REL: variants seen among roughly 807,000 people sequenced by gnomAD.
The protein encoded by REL is REL proto-oncogene, NF-kB subunit.
A neutral mutation model predicts 45.9 loss-of-function variants in REL; 15 were observed. The ratio of observed to expected loss-of-function variants is 0.33; its 90% CI spans 0.22 to 0.50. The LOEUF (loss-of-function observed/expected upper bound fraction) is 0.50. REL is among the 20% of genes least tolerant of loss of function. The pLI, the probability that REL is intolerant of heterozygous loss-of-function variation, is 0.98. For missense variants in REL, 601 were observed against 715.2 expected (o/e 0.84, Z 1.82); for synonymous variants, 239 against 242.1 (o/e 0.99, Z 0.12).
chr2:60,908,678 G>A (rs972185956), intron 4 of REL, among the ~76,000 whole-genome samples: 1 of 152,114 alleles, frequency 6.6e-6, no homozygotes, highest in Non-Finnish European at 1.5e-5. Flanking sequence ...TCTAGTATGC[G>A]GCAGTTAAAC....
At chr2:60,892,292 G>A (rs1170311359) in intron 2 of REL, among the ~76,000 whole-genome samples, 1 of 152,068 alleles carries the variant, frequency 6.6e-6, no homozygotes, top group African/African-American at 2.4e-5. Flanking sequence ...GCTTGTCTCT[G>A]ATTCTCTGGG....
chr2:60,904,350 C>A (rs555013078), intron 4 of REL, among the ~76,000 whole-genome samples: 1 of 151,280 alleles, frequency 6.6e-6, no homozygotes, highest in East Asian at 2.0e-4. Flanking sequence ...TGCAGTAAGC[C>A]AAGATTGCTC....
intron 1 of REL, among the ~76,000 whole-genome samples, chr2:60,886,244 TG>T (rs1673069522): frequency 6.6e-6 from 1 of 152,216 alleles, no homozygotes; most frequent in African/African-American, 2.4e-5. Flanking sequence ...AGGACATGTA[TG>T]TTTTGAAAAA....
chr2:60,913,969 T>C (rs1444455404), intron 4 of REL, among the ~76,000 whole-genome samples: 1 of 152,234 alleles, frequency 6.6e-6, no homozygotes, highest in Non-Finnish European at 1.5e-5. Flanking sequence ...TCTTCAGTCA[T>C]TTATGTTAAT....
chr2:60,891,285 T>C (rs748032341), intron 1 of REL, among the ~76,000 whole-genome samples: 10 of 152,162 alleles, frequency 6.6e-5, no homozygotes, highest in Non-Finnish European at 1.3e-4. Context: ...ACTTTAGGAG[T>C]GTGATATTTT....
At chr2:60,912,027 T>C (rs996752362) in intron 4 of REL, among the ~76,000 whole-genome samples, 2 of 150,198 alleles carry the variant, frequency 1.3e-5, no homozygotes, top group African/African-American at 4.9e-5. Context: ...AAAGTCATTT[T>C]CCCCCAATTG....
rs1188074991 is a variant in REL, at chr2:60,930,269, A to AATC, written c.*7735_*7737dup. On this transcript the variant is annotated 3_prime_UTR_variant, in exon 10 of 10. Transcript: ENST00000394479. ...ATCTGTATATCCTATGTCCCGGATT[A>AATC]ATCTTTAATTTAGATACTCCTTCTA... The AATC allele has an allele frequency of 7.9e-5, 12 of 152,490 alleles. No homozygotes were observed. In the East Asian group the frequency reaches 1.3e-3, roughly 17 times the overall value. 9.4% of individuals were successfully genotyped at this position (152,490 alleles called of 1,614,324 possible). A position where few individuals can be genotyped will look rare whatever the true frequency, so the allele number is the denominator to read the frequency against.
chr2:60,909,528 G>A (rs1673751343), intron 4 of REL, among the ~76,000 whole-genome samples: 2 of 151,774 alleles, frequency 1.3e-5, no homozygotes, highest in Admixed American at 6.6e-5. Flanking sequence ...CTGGGCTTAA[G>A]TGATCCTCCT....
chr2:60,926,001 A>G lies in REL; in HGVS notation c.*3466A>G, dbSNP rs528429051. On this transcript the variant is annotated 3_prime_UTR_variant, in exon 10 of 10. Transcript: ENST00000394479. ...TTCAGGTGCTATTTTTTGACCCTGT[A>G]TAGACTTTAATTTAAAATGAATTTG... 3 of 226,960 alleles carry G rather than the reference A, an allele frequency of 1.3e-5. No individual in the cohort carries two copies. Among genetic ancestry groups the G allele is most frequent in the South Asian group, 1.8e-4 (1 of 5,468 alleles). 14.1% of individuals were successfully genotyped at this position (226,960 alleles called of 1,614,324 possible).
At chr2:60,901,151 T>C (rs1307128693) in intron 4 of REL, 68 bp downstream of exon 4, 123,205 of 584,454 alleles carry the variant, frequency 0.21, 3,016 homozygotes, top group African/African-American at 0.41. Flanking sequence ...TTTCTTTCTC[T>C]TTTTTTTTTT....
At chr2:60,894,045 G>A (rs534028893) in intron 2 of REL, among the ~76,000 whole-genome samples, 166 of 152,258 alleles carry the variant, frequency 1.1e-3, no homozygotes, top group Non-Finnish European at 2.0e-3. Flanking sequence ...GAATGTTTAT[G>A]GTATGACAGT....
intron 3 of REL, chr2:60,900,681 G>A (rs904409718): frequency 1.2e-5 from 3 of 242,082 alleles, no homozygotes; most frequent in African/African-American, 2.3e-5. Flanking sequence ...GTGCCACTAT[G>A]CCTGGCTAAT....
At chr2:60,891,497 T>C (rs1299260281) in intron 1 of REL, among the ~76,000 whole-genome samples, 186 bp from the exon 2 acceptor site, 1 of 152,160 alleles carries the variant, frequency 6.6e-6, no homozygotes, top group Non-Finnish European at 1.5e-5. Context: ...GGGACTCAAT[T>C]TGAATGGGAA....
Position 60,881,612 on chromosome 2 carries a change from C to T in REL, c.-229C>T, listed in dbSNP as rs971172599. ...CGCTCCGCCCCCTGCCCCTGGCTCC[C>T]GTACGGTGGACGGCGACGCTGGGTG... On this transcript the variant is annotated 5_prime_UTR_variant, in exon 1 of 10. Coordinates refer to ENST00000394479, the MANE Select transcript of REL (RefSeq NM_001291746.2). 1.9e-5 allele frequency: 10 copies of T among 519,868 alleles called. 1 individual carries two copies. Among genetic ancestry groups the T allele is most frequent in the South Asian group, 1.4e-4 (6 of 42,862 alleles). The allele number at this position is 519,868 out of a possible 1,614,324, so 32.2% of individuals were successfully genotyped here.
chr2:60,914,170 G>C (rs1673895023), intron 4 of REL, among the ~76,000 whole-genome samples: 1 of 152,202 alleles, frequency 6.6e-6, no homozygotes, highest in Non-Finnish European at 1.5e-5. Context: ...CTGATTTAGA[G>C]AGGAGAAATA....
At chr2:60,896,973 A>G (rs1469044614) in intron 3 of REL, among the ~76,000 whole-genome samples, 1 of 152,212 alleles carries the variant, frequency 6.6e-6, no homozygotes, top group East Asian at 1.9e-4. Context: ...TGGGCAAGAA[A>G]TCTATAGAAG....
Position 60,881,828 on chromosome 2 carries a change from G to A in REL, c.-13G>A. On this transcript the variant is annotated 5_prime_UTR_variant, in exon 1 of 10. Coordinates refer to ENST00000394479, the MANE Select transcript of REL (RefSeq NM_001291746.2). ...CTGGGAGCTGCCTGCGGGAAGGTGC[G>A]GGGAGCGGAGCCATGGCCTCCGGTG... 1 of 1,522,358 alleles carries A rather than the reference G, an allele frequency of 6.6e-7. No individual in the cohort carries two copies. Among genetic ancestry groups the A allele is most frequent in the Non-Finnish European group, 8.8e-7 (1 of 1,136,024 alleles). 94.3% of individuals were successfully genotyped at this position (1,522,358 alleles called of 1,614,324 possible). A position where few individuals can be genotyped will look rare whatever the true frequency, so the allele number is the denominator to read the frequency against.
At chr2:60,905,375 T>A (rs1421968172) in intron 4 of REL, among the ~76,000 whole-genome samples, 1 of 152,190 alleles carries the variant, frequency 6.6e-6, no homozygotes. Flanking sequence ...ATTACAGGCA[T>A]GAGCCACCAC....
chr2:60,894,617 A>G (rs533216051), intron 3 of REL, 72 bp downstream of exon 3: 23 of 1,179,464 alleles, frequency 2.0e-5, no homozygotes, highest in Non-Finnish European at 2.5e-5. Flanking sequence ...CTCCATGACA[A>G]TCTGTTACTT....
Sources: allele counts gnomAD v4.1 joint callset (sites outside exome capture counted in the v4.1 genomes callset), GRCh38; gene constraint gnomAD v4.1.1; transcripts MANE v1.5; gene names NCBI Gene and HGNC (gene_info 2026-07-23, HGNC 2026-07-21).